The following NFIL3 variants were observed in gnomAD, a reference collection of about 807,000 sequenced individuals.
NFIL3 encodes nuclear factor interleukin-3-regulated protein.
In NFIL3, 5 loss-of-function variants were observed where a neutral mutation model predicts 10.0. That is an observed-to-expected ratio of 0.50 (90% CI 0.26 to 1.06). NFIL3 has a LOEUF of 1.06. NFIL3 is among the 50% of genes least tolerant of loss of function. NFIL3 has a pLI of 0.13. For missense variants in NFIL3, 436 were observed against 547.6 expected, an observed-to-expected ratio of 0.80 and a Z score of 2.03; for synonymous variants, 202 against 206.5, an observed-to-expected ratio of 0.98 and a Z score of 0.19.
intron 1 of NFIL3, among the ~76,000 whole-genome samples, chr9:91,417,080 CTG>C (rs1833671255): frequency 1.3e-5 from 2 of 152,122 alleles, no homozygotes; most frequent in African/African-American, 4.8e-5. Flanking sequence ...AAAATCTACT[CTG>C]AGAACATTTT....
chr9:91,469,520 A>G, the NFIL3 span, among the ~76,000 whole-genome samples: 1 of 152,068 alleles, frequency 6.6e-6, no homozygotes, highest in African/African-American at 2.4e-5. Flanking sequence ...AATACCCTTT[A>G]TTTCTTTCTC....
the NFIL3 span, among the ~76,000 whole-genome samples, chr9:91,457,384 G>T: frequency 6.6e-6 from 1 of 151,720 alleles, no homozygotes; most frequent in African/African-American, 2.4e-5. Flanking sequence ...CACTGTTATC[G>T]CTGTTATTTA....
At chr9:91,471,662 C>A in the NFIL3 span, among the ~76,000 whole-genome samples, 4 of 152,074 alleles carry the variant, frequency 2.6e-5, no homozygotes, top group South Asian at 2.1e-4. Context: ...ATCCCTCCCC[C>A]CAAGTCTGTG....
At chr9:91,418,142 G>A (rs1833692306) in intron 1 of NFIL3, among the ~76,000 whole-genome samples, 1 of 152,102 alleles carries the variant, frequency 6.6e-6, no homozygotes, top group South Asian at 2.1e-4. Flanking sequence ...CACAGAGTAA[G>A]CACATACACG....
chr9:91,428,988 C>T, the NFIL3 span, among the ~76,000 whole-genome samples: 7,943 of 152,156 alleles, frequency 0.052, 279 homozygotes, highest in Middle Eastern at 0.14. Context: ...AAAATCTTGG[C>T]GATGGAGCAA....
the NFIL3 span, among the ~76,000 whole-genome samples, chr9:91,442,734 G>T: frequency 6.6e-6 from 1 of 152,120 alleles, no homozygotes; most frequent in Non-Finnish European, 1.5e-5. Context: ...TGGACGAGAG[G>T]GACATGGTGG....
the NFIL3 span, among the ~76,000 whole-genome samples, chr9:91,434,263 A>G: frequency 2.0e-5 from 3 of 152,158 alleles, no homozygotes; most frequent in Non-Finnish European, 2.9e-5. Flanking sequence ...AAACAATGGA[A>G]CATAATATGC....
chr9:91,410,710 C>T lies in NFIL3; in HGVS notation c.25G>A (p.Val9Ile), dbSNP rs146293258. 2,092 of 1,597,652 alleles carry T rather than the reference C, an allele frequency of 1.3e-3. 47 individuals carry two copies. The Admixed American group carries it at 0.033, about 26-fold the overall frequency. Residue 9 changes from valine to isoleucine, a missense_variant, in exon 2 of 2, where the codon GTC becomes ATC. Physicochemically the swap from Val to Ile is conservative, Grantham distance 29 (BLOSUM62 3). Around this residue, in one of 3 missense-constraint regions of NFIL3, gnomAD observed 76 missense variants for 73.0 expected, o/e 1.04. Coordinates refer to ENST00000297689, the MANE Select transcript of NFIL3 (RefSeq NM_005384.3). The surrounding 1 kb of genome is among the most constrained non-coding windows in gnomAD (Gnocchi z 5.7). MQLRKMQT[V>I]KKEQASLDAS... ...TCAAGAGACGCCTGCTCCTTTTTGACGGTCTGCATTTTTCTCAGCTGCATC... is the reference window on the plus strand; with the variant it reads ...TCAAGAGACGCCTGCTCCTTTTTGATGGTCTGCATTTTTCTCAGCTGCATC...
the NFIL3 span, among the ~76,000 whole-genome samples, chr9:91,477,512 G>A: frequency 2.0e-5 from 3 of 152,146 alleles, no homozygotes; most frequent in Non-Finnish European, 2.9e-5. Flanking sequence ...CAGGTCATAA[G>A]CCCCATCTTA....
At chr9:91,465,135 C>T in the NFIL3 span, among the ~76,000 whole-genome samples, 1 of 152,056 alleles carries the variant, frequency 6.6e-6, no homozygotes, top group Admixed American at 6.6e-5. Flanking sequence ...TGGTGTCTGT[C>T]ATTACTTTTG....
the NFIL3 span, among the ~76,000 whole-genome samples, chr9:91,470,875 G>T: frequency 6.6e-6 from 1 of 152,190 alleles, no homozygotes; most frequent in Non-Finnish European, 1.5e-5. Flanking sequence ...TTGCACTGTG[G>T]TCTGAGAGAA....
the NFIL3 span, among the ~76,000 whole-genome samples, chr9:91,481,576 G>A: frequency 1.3e-5 from 2 of 151,998 alleles, no homozygotes; most frequent in African/African-American, 2.4e-5. Flanking sequence ...ATGATAAACA[G>A]TGCTTGTAAT....
At chr9:91,435,048 C>T in the NFIL3 span, among the ~76,000 whole-genome samples, 1 of 152,108 alleles carries the variant, frequency 6.6e-6, no homozygotes, top group Non-Finnish European at 1.5e-5. Flanking sequence ...CCTGTGCTTT[C>T]CCTGGTTTTC....
the NFIL3 span, among the ~76,000 whole-genome samples, chr9:91,434,435 T>C: frequency 2.0e-5 from 3 of 152,190 alleles, no homozygotes; most frequent in African/African-American, 7.2e-5. Context: ...GACCTTCATC[T>C]CATTCCAAGC....
chr9:91,471,311 T>C, the NFIL3 span, among the ~76,000 whole-genome samples: 2 of 152,058 alleles, frequency 1.3e-5, no homozygotes, highest in African/African-American at 2.4e-5. Context: ...TAAAGTCTGT[T>C]TTATCAGAGA....
chr9:91,446,387 T>C, the NFIL3 span, among the ~76,000 whole-genome samples: 3 of 152,364 alleles, frequency 2.0e-5, no homozygotes, highest in East Asian at 5.8e-4. Flanking sequence ...TTGGTTGAAA[T>C]GTAGTTGTAT....
chr9:91,479,847 G>T, the NFIL3 span, among the ~76,000 whole-genome samples: 1 of 152,160 alleles, frequency 6.6e-6, no homozygotes. Context: ...GTAGTATCTG[G>T]GCCAGAGTAC....
chr9:91,441,236 A>G, the NFIL3 span, among the ~76,000 whole-genome samples: 1 of 152,090 alleles, frequency 6.6e-6, no homozygotes, highest in South Asian at 2.1e-4. Flanking sequence ...TGATGAATTG[A>G]TCCCCTTATC....
chr9:91,450,612 GCCTA>G, the NFIL3 span, among the ~76,000 whole-genome samples: 1 of 152,052 alleles, frequency 6.6e-6, no homozygotes, highest in African/African-American at 2.4e-5. Flanking sequence ...TTGCTTTGTG[GCCTA>G]CCTAACACAT....
Sources: allele counts gnomAD v4.1 joint callset (sites outside exome capture counted in the v4.1 genomes callset), GRCh38; gene constraint gnomAD v4.1.1; regional missense constraint gnomAD v4.1.1; non-coding constraint Gnocchi (gnomAD v3.1); transcripts MANE v1.5; gene names NCBI Gene and HGNC (gene_info 2026-07-23, HGNC 2026-07-21).